The following TBC1D22A variants were observed in gnomAD, a reference collection of about 807,000 sequenced individuals.
The protein encoded by TBC1D22A is putative GTPase activator.
Under a neutral mutation model 60.2 loss-of-function variants are expected in TBC1D22A, and 38 were observed. That is an observed-to-expected ratio of 0.63 (90% CI 0.49 to 0.83). The LOEUF (loss-of-function observed/expected upper bound fraction) is 0.83. Ranked by LOEUF, TBC1D22A falls within the 40% of genes least tolerant of loss-of-function variation. TBC1D22A has a pLI of 0.00. For missense variants in TBC1D22A, 628 were observed against 701.0 expected, an observed-to-expected ratio of 0.90 and a Z score of 1.18; for synonymous variants, 302 against 281.7, an observed-to-expected ratio of 1.07 and a Z score of -0.72.
In TBC1D22A at chr22:46,803,588, G is replaced by A. The variant is rs548398311; in HGVS notation, c.637+5968G>A. Among the ~76,000 whole-genome samples, 15 of 152,328 alleles carry A rather than the reference G, an allele frequency of 9.8e-5. No homozygotes were observed. The South Asian group carries it at 1.9e-3, about 19-fold the overall frequency. On this transcript the variant is annotated intron_variant, in intron 4 of 12. Transcript: ENST00000337137. ...GGGCTTCATGACCACAGCAGGGCAC[G>A]TTGGCCTTGTGGGTGGGGGGTGCTT... is the stretch of plus-strand genomic sequence containing the variant.
chr22:46,841,047 G>GTGTGTGTGTGT lies in TBC1D22A; in HGVS notation c.638-37606_638-37605insTGTGTGTGTGT, dbSNP rs1555909300. Among the ~76,000 whole-genome samples the GTGTGTGTGTGT allele has an allele frequency of 5.7e-3, 847 of 147,494 alleles. 5 individuals carry two copies. The highest frequency in any genetic ancestry group is 0.013 in the African/African-American group (506 of 39,540). On this transcript the variant is annotated intron_variant, in intron 4 of 12. Transcript: ENST00000337137. ...GATGAATGAATGAGTAATGAAAATGGGTGTGTGTGTGTGTGTGTGTGTGTG... is the reference window on the plus strand; with the variant it reads ...GATGAATGAATGAGTAATGAAAATGGTGTGTGTGTGTGTGTGTGTGTGTGTGTGTGTGTGTG...
intron 1 of TBC1D22A, among the ~76,000 whole-genome samples, chr22:46,791,747 T>C (rs2084418631): frequency 6.6e-6 from 1 of 152,188 alleles, no homozygotes; most frequent in East Asian, 1.9e-4. Flanking sequence ...TGTAAGACTT[T>C]TATAGTAAAA....
intron 11 of TBC1D22A, among the ~76,000 whole-genome samples, chr22:47,060,466 T>C (rs2063534705): frequency 6.6e-6 from 1 of 152,178 alleles, no homozygotes; most frequent in Non-Finnish European, 1.5e-5. Context: ...AGTCTCGCTC[T>C]GTAGCCCAGG....
chr22:47,103,639 G>A (rs2065505551), intron 11 of TBC1D22A, among the ~76,000 whole-genome samples: 1 of 152,174 alleles, frequency 6.6e-6, no homozygotes, highest in Non-Finnish European at 1.5e-5. Flanking sequence ...CGTGCCCAGA[G>A]AATGGGATAT....
intron 9 of TBC1D22A, among the ~76,000 whole-genome samples, chr22:46,974,985 A>G (rs950530989): frequency 2.6e-5 from 4 of 152,348 alleles, no homozygotes; most frequent in Non-Finnish European, 5.9e-5. Context: ...CAGGTCTCCC[A>G]GTGACGGCCA....
intron 11 of TBC1D22A, among the ~76,000 whole-genome samples, chr22:47,039,476 G>A (rs1235466684): frequency 6.6e-6 from 1 of 151,954 alleles, no homozygotes; most frequent in African/African-American, 2.4e-5. Context: ...CCCTTACAAG[G>A]TAGCTTAAAG....
chr22:47,069,291 A>G (rs1243079227), intron 11 of TBC1D22A, among the ~76,000 whole-genome samples: 1 of 152,240 alleles, frequency 6.6e-6, no homozygotes, highest in Non-Finnish European at 1.5e-5. Flanking sequence ...TTTTGTTGCA[A>G]ACATGATCCA....
At chr22:46,829,669 G>T (rs2086222909) in intron 4 of TBC1D22A, among the ~76,000 whole-genome samples, 1 of 152,194 alleles carries the variant, frequency 6.6e-6, no homozygotes, top group South Asian at 2.1e-4. Flanking sequence ...CCAAGGTAGG[G>T]AATGCTAATG....
At chr22:47,107,160 G>C (rs1443102478) in intron 11 of TBC1D22A, among the ~76,000 whole-genome samples, 5 of 152,178 alleles carry the variant, frequency 3.3e-5, no homozygotes, top group African/African-American at 1.2e-4. Context: ...TAAAATAATA[G>C]AAACAATTCA....
chr22:47,042,355 G>A (rs1012406567), intron 11 of TBC1D22A, among the ~76,000 whole-genome samples: 6 of 152,216 alleles, frequency 3.9e-5, no homozygotes, highest in Non-Finnish European at 8.8e-5. Context: ...GGCAGTGGGG[G>A]CGCCATGGCT....
At chr22:46,877,716 T>C (rs1214421679) in intron 4 of TBC1D22A, among the ~76,000 whole-genome samples, 1 of 152,258 alleles carries the variant, frequency 6.6e-6, no homozygotes, top group Non-Finnish European at 1.5e-5. Flanking sequence ...ATTCCCGTTA[T>C]TAATCATTAG....
At chr22:46,934,123 T>C (rs2071509691) in intron 8 of TBC1D22A, among the ~76,000 whole-genome samples, 1 of 152,248 alleles carries the variant, frequency 6.6e-6, no homozygotes, top group South Asian at 2.1e-4. Context: ...TGGGTGAGTT[T>C]GCAGACTTTT....
chr22:47,133,735 T>C (rs2066762567), intron 12 of TBC1D22A, among the ~76,000 whole-genome samples: 1 of 152,170 alleles, frequency 6.6e-6, no homozygotes, highest in Admixed American at 6.5e-5. Context: ...GCTTTGGCGG[T>C]GACACTTGTG....
intron 12 of TBC1D22A, among the ~76,000 whole-genome samples, chr22:47,141,873 G>A (rs559700323): frequency 1.3e-5 from 2 of 152,292 alleles, no homozygotes; most frequent in South Asian, 4.2e-4. Flanking sequence ...GAACTTAGCT[G>A]GATAATATTC....
chr22:47,013,554 TTTCTC>T (rs1473426149), intron 10 of TBC1D22A, among the ~76,000 whole-genome samples: 5 of 152,156 alleles, frequency 3.3e-5, no homozygotes, highest in African/African-American at 1.2e-4. Context: ...GACTGTGTCT[TTTCTC>T]TTCTTCATTT....
At chr22:47,107,934 C>T (rs1270626318) in intron 11 of TBC1D22A, among the ~76,000 whole-genome samples, 1 of 152,120 alleles carries the variant, frequency 6.6e-6, no homozygotes, top group African/African-American at 2.4e-5. Flanking sequence ...TAGAAGAAAA[C>T]CTTTATGCCC....
intron 8 of TBC1D22A, among the ~76,000 whole-genome samples, chr22:46,956,884 G>A (rs1269733542): frequency 6.6e-6 from 1 of 152,230 alleles, no homozygotes; most frequent in Non-Finnish European, 1.5e-5. Context: ...CATGTTTTTT[G>A]TGTTGCTGGT....
chr22:47,111,428 T>G, intron 11 of TBC1D22A, 80 bp from the exon 12 acceptor site: 2 of 1,325,062 alleles, frequency 1.5e-6, no homozygotes, highest in Non-Finnish European at 2.1e-6. Flanking sequence ...AGATAAACCC[T>G]GACTGTCGCA....
chr22:47,149,552 G>A (rs1403316947), intron 12 of TBC1D22A, among the ~76,000 whole-genome samples: 1 of 152,220 alleles, frequency 6.6e-6, no homozygotes, highest in Admixed American at 6.5e-5. Context: ...CCACTCCCCC[G>A]CCCAGGTGGG....
Sources: allele counts gnomAD v4.1 joint callset (sites outside exome capture counted in the v4.1 genomes callset), GRCh38; gene constraint gnomAD v4.1.1; transcripts MANE v1.5; gene names NCBI Gene and HGNC (gene_info 2026-07-23, HGNC 2026-07-21).